SCLT1: variants seen among roughly 807,000 people sequenced by gnomAD.
SCLT1 encodes the protein sodium channel and clathrin linker 1.
In SCLT1, 78 loss-of-function variants were observed where a neutral mutation model predicts 112.8. The observed-to-expected ratio is 0.69, with a 90% CI of 0.58 to 0.83. The LOEUF is 0.83. SCLT1 is among the 40% of genes least tolerant of loss of function. The pLI, the probability that SCLT1 is intolerant of heterozygous loss-of-function variation, is 0.00. For missense variants in SCLT1, 747 were observed against 770.4 expected, an observed-to-expected ratio of 0.97 and a Z score of 0.36; for synonymous variants, 257 against 254.7, an observed-to-expected ratio of 1.01 and a Z score of -0.09.
intron 2 of SCLT1, among the ~76,000 whole-genome samples, chr4:129,075,693 A>G (rs1751402169): frequency 6.6e-6 from 1 of 152,194 alleles, no homozygotes; most frequent in Non-Finnish European, 1.5e-5. Context: ...GCAGAATTAT[A>G]TAACATTTCT....
At chr4:129,008,695 A>C (rs915898961) in intron 5 of SCLT1, among the ~76,000 whole-genome samples, 1 of 152,108 alleles carries the variant, frequency 6.6e-6, no homozygotes, top group Non-Finnish European at 1.5e-5. Context: ...TCAGGGGTAC[A>C]TGTACAGGTT....
intron 9 of SCLT1, among the ~76,000 whole-genome samples, chr4:128,987,651 G>A (rs1742215569): frequency 6.6e-6 from 1 of 151,736 alleles, no homozygotes; most frequent in Admixed American, 6.6e-5. Context: ...ACACTCAGAG[G>A]TGAAAAAAAA....
chr4:129,007,018 A>G (rs1392514370), intron 5 of SCLT1, among the ~76,000 whole-genome samples: 1 of 152,224 alleles, frequency 6.6e-6, no homozygotes, highest in Non-Finnish European at 1.5e-5. Flanking sequence ...TAACATTTAG[A>G]GGCATACTGC....
intron 20 of SCLT1, among the ~76,000 whole-genome samples, chr4:128,887,765 A>T (rs1732995643): frequency 6.6e-6 from 1 of 151,804 alleles, no homozygotes; most frequent in East Asian, 1.9e-4. Context: ...TGCATTTTCT[A>T]CTCTATTTCC....
intron 18 of SCLT1, among the ~76,000 whole-genome samples, chr4:128,918,397 A>G (rs1735630380): frequency 6.6e-6 from 1 of 152,236 alleles, no homozygotes; most frequent in African/African-American, 2.4e-5. Flanking sequence ...ACAATCAATC[A>G]CAAGTATTAA....
At chr4:128,909,208 C>G (rs1033377688) in intron 18 of SCLT1, among the ~76,000 whole-genome samples, 1 of 152,092 alleles carries the variant, frequency 6.6e-6, no homozygotes, top group Admixed American at 6.6e-5. Flanking sequence ...GGTCTACCAC[C>G]CTCAGATATC....
intron 2 of SCLT1, among the ~76,000 whole-genome samples, chr4:129,045,349 A>T (rs1269889860): frequency 6.6e-6 from 1 of 152,096 alleles, no homozygotes; most frequent in Non-Finnish European, 1.5e-5. Flanking sequence ...CCAAATTTAA[A>T]ACTTCTATAC....
At chr4:128,983,325 A>G (rs1235422829) in intron 9 of SCLT1, among the ~76,000 whole-genome samples, 2 of 152,236 alleles carry the variant, frequency 1.3e-5, no homozygotes, top group Non-Finnish European at 2.9e-5. Context: ...TTGGAAAATA[A>G]TTATCATCAT....
Position 129,082,313 on chromosome 4 carries a change from G to A in SCLT1, c.95C>T (p.Ser32Phe), listed in dbSNP as rs777202527. ...AATTTATAATTTACATACCTGTACA[G>A]ATGAATATTTGGAAAAACTTTCCAT... is the stretch of plus-strand genomic sequence containing the variant. ...YQMESFSKYS[S>F]VQKAVCQGEG... is the part of the protein sequence containing the mutation. Residue 32 changes from serine (S) to phenylalanine (F), a missense_variant, in exon 2 of 21, where the codon TCT becomes TTT. Ser to Phe is a radical substitution (Grantham distance 155). Transcript: ENST00000281142. 6.6e-7 allele frequency: 1 copy of A among 1,525,000 alleles called. No homozygotes were observed. The highest frequency in any genetic ancestry group is 9.1e-7 in the Non-Finnish European group (1 of 1,104,828). 94.5% of individuals were successfully genotyped at this position (1,525,000 alleles called of 1,614,324 possible). A position where few individuals can be genotyped will look rare whatever the true frequency, so the allele number is the denominator to read the frequency against.
At chr4:128,945,452 T>A (rs1738067410) in intron 16 of SCLT1, among the ~76,000 whole-genome samples, 3 of 152,158 alleles carry the variant, frequency 2.0e-5, no homozygotes, top group Non-Finnish European at 4.4e-5. Flanking sequence ...CTAAAAAAAA[T>A]CTTTATTAAT....
chr4:129,061,379 G>A (rs559085557), intron 2 of SCLT1, among the ~76,000 whole-genome samples: 1 of 152,232 alleles, frequency 6.6e-6, no homozygotes, highest in Admixed American at 6.5e-5. Flanking sequence ...AGCAGGGTAT[G>A]AGATGTCTGG....
chr4:128,982,543 C>T (rs1360926899), intron 9 of SCLT1, among the ~76,000 whole-genome samples: 1 of 152,032 alleles, frequency 6.6e-6, no homozygotes, highest in Non-Finnish European at 1.5e-5. Context: ...GCTCTGTTGC[C>T]CAGGCTGGAG....
At chr4:128,922,133 A>G (rs1344522566) in intron 18 of SCLT1, among the ~76,000 whole-genome samples, 2 of 152,216 alleles carry the variant, frequency 1.3e-5, no homozygotes, top group Non-Finnish European at 2.9e-5. Flanking sequence ...TATTATTAAA[A>G]AGTCAGAAAA....
intron 5 of SCLT1, among the ~76,000 whole-genome samples, chr4:129,018,166 C>T (rs2126116499): frequency 6.6e-6 from 1 of 152,358 alleles, no homozygotes; most frequent in East Asian, 1.9e-4. Context: ...GCCTCAGGCA[C>T]TGCCTTTTCT....
At chr4:129,029,917 A>G (rs1476619362) in intron 5 of SCLT1, among the ~76,000 whole-genome samples, 2 of 152,134 alleles carry the variant, frequency 1.3e-5, no homozygotes, top group Non-Finnish European at 2.9e-5. Flanking sequence ...CAGAAAATTA[A>G]CAAGGATATT....
At chr4:129,015,358 A>G (rs1744897942) in intron 5 of SCLT1, among the ~76,000 whole-genome samples, 1 of 152,030 alleles carries the variant, frequency 6.6e-6, no homozygotes, top group African/African-American at 2.4e-5. Flanking sequence ...CTAGCACACA[A>G]GCTATGATGT....
At chr4:128,939,048 T>C (rs1202611660) in intron 17 of SCLT1, among the ~76,000 whole-genome samples, 2 of 152,178 alleles carry the variant, frequency 1.3e-5, no homozygotes, top group Non-Finnish European at 2.9e-5. Flanking sequence ...TGTACAGTTT[T>C]AGAATTTGGC....
chr4:128,911,988 T>C (rs1735134380), intron 18 of SCLT1, among the ~76,000 whole-genome samples: 1 of 152,214 alleles, frequency 6.6e-6, no homozygotes. Context: ...GCTTTGATGC[T>C]TAATACATCA....
At chr4:129,011,075 T>C (rs1244596135) in intron 5 of SCLT1, among the ~76,000 whole-genome samples, 2 of 152,242 alleles carry the variant, frequency 1.3e-5, no homozygotes, top group Non-Finnish European at 2.9e-5. Flanking sequence ...TGACTCTTAC[T>C]ATTTTGAAGT....
Sources: allele counts gnomAD v4.1 joint callset (sites outside exome capture counted in the v4.1 genomes callset), GRCh38; gene constraint gnomAD v4.1.1; transcripts MANE v1.5; gene names NCBI Gene and HGNC (gene_info 2026-07-23, HGNC 2026-07-21).